TMPRSS2: variants seen among roughly 807,000 people sequenced by gnomAD.
TMPRSS2 encodes transmembrane protease serine 2.
Under a neutral mutation model 67.4 loss-of-function variants are expected in TMPRSS2, and 59 were observed. The ratio of observed to expected loss-of-function variants is 0.88; its 90% CI spans 0.71 to 1.09. TMPRSS2 has a LOEUF of 1.09. TMPRSS2 is among the 50% of genes least tolerant of loss of function. The pLI, the probability that TMPRSS2 is intolerant of heterozygous loss-of-function variation, is 0.00. For missense variants in TMPRSS2, 668 were observed against 642.7 expected (o/e 1.04, Z -0.43); for synonymous variants, 257 against 257.0 (o/e 1.00, Z 0.00).
At chr21:41,481,466 A>G (rs1032839483) in intron 5 of TMPRSS2, among the ~76,000 whole-genome samples, 1 of 152,146 alleles carries the variant, frequency 6.6e-6, no homozygotes, top group African/African-American at 2.4e-5. Context: ...TATGAGTAGG[A>G]GGGACGGGCT....
intron 3 of TMPRSS2, among the ~76,000 whole-genome samples, chr21:41,491,735 T>C (rs2091338108): frequency 6.6e-6 from 1 of 152,234 alleles, no homozygotes. Flanking sequence ...ACACTGAGCA[T>C]GTGCCAATCT....
chr21:41,473,552 AC>A lies in TMPRSS2; in HGVS notation c.728-57del, dbSNP rs879911137. ...TGAGACCAGCAGAAGCCGCCCAGCC[AC>A]CCAGCGCCCGCCCCTCCCAAGGGTC... On this transcript the variant is annotated intron_variant, in intron 8 of 13. Coordinates refer to ENST00000332149, the MANE Select transcript of TMPRSS2 (RefSeq NM_005656.4). 2.5e-4 allele frequency: 377 copies of A among 1,534,546 alleles called. 2 individuals carry two copies. The Admixed American group carries it at 7.1e-3, about 29-fold the overall frequency.
At chr21:41,483,645 G>A (rs1006438329) in intron 5 of TMPRSS2, among the ~76,000 whole-genome samples, 1 of 151,932 alleles carries the variant, frequency 6.6e-6, no homozygotes, top group African/African-American at 2.4e-5. Context: ...TGGCTCAAAG[G>A]GAGACACTTC....
chr21:41,494,401 C>T lies in TMPRSS2; in HGVS notation c.193G>A (p.Val65Ile), dbSNP rs150389990. Reference sequence around the variant, plus strand: ...GATGGGGATTTGGGCTGCGTGCAGACGACGGGGTTGGAAGCCTGCGTCAGG... The same window carrying T: ...GATGGGGATTTGGGCTGCGTGCAGATGACGGGGTTGGAAGCCTGCGTCAGG... ...RVLTQASNPVVCTQPKSPSGT... is the reference protein window; with the variant it reads ...RVLTQASNPVICTQPKSPSGT... The change falls in exon 3 of 14, where the codon GTC becomes ATC. Residue 65 changes from valine (V) to isoleucine (I), a missense_variant. Coordinates refer to ENST00000332149, the MANE Select transcript of TMPRSS2 (RefSeq NM_005656.4). 1.3e-4 allele frequency: 214 copies of T among 1,610,830 alleles called. No homozygotes were observed. The highest frequency in any genetic ancestry group is 1.6e-4 in the Non-Finnish European group (191 of 1,179,202).
chr21:41,505,045 C>G (rs1488632087), intron 1 of TMPRSS2, among the ~76,000 whole-genome samples: 4 of 152,018 alleles, frequency 2.6e-5, no homozygotes, highest in African/African-American at 9.7e-5. Flanking sequence ...TGCTCCTGGG[C>G]TCTCTGGTTC....
At chr21:41,491,881 T>C (rs899104298) in intron 3 of TMPRSS2, among the ~76,000 whole-genome samples, 11 of 152,312 alleles carry the variant, frequency 7.2e-5, no homozygotes, top group Admixed American at 6.5e-4. Flanking sequence ...TTGCACAGTT[T>C]AATTACAACT....
intron 2 of TMPRSS2, among the ~76,000 whole-genome samples, chr21:41,495,540 G>A (rs1370395028): frequency 6.6e-6 from 1 of 150,480 alleles, no homozygotes. Flanking sequence ...CGGGAGAATT[G>A]CTTGAACCCG....
At chr21:41,494,297 G>A (rs1209840044) in intron 3 of TMPRSS2, 59 bp downstream of exon 3, 6 of 1,569,536 alleles carry the variant, frequency 3.8e-6, no homozygotes, top group Non-Finnish European at 5.2e-6. Context: ...GAGCCCACTG[G>A]GGAGGTAGAC....
intron 11 of TMPRSS2, chr21:41,468,886 C>G (rs1443771075): frequency 2.8e-5 from 7 of 246,696 alleles, no homozygotes; most frequent in Non-Finnish European, 4.8e-5. Context: ...TGAACCCCAC[C>G]CAGGACACAC....
chr21:41,478,838 C>T lies in TMPRSS2; in HGVS notation c.683+334G>A, dbSNP rs559698510. Among the ~76,000 whole-genome samples, 11 of 152,310 alleles carry T rather than the reference C, an allele frequency of 7.2e-5. No individual in the cohort carries two copies. The highest frequency in any genetic ancestry group is 2.6e-4 in the Admixed American group (4 of 15,306). On this transcript the variant is annotated intron_variant, in intron 7 of 13. Coordinates refer to ENST00000332149, the MANE Select transcript of TMPRSS2 (RefSeq NM_005656.4). This position sits in a 1 kb window ranked among gnomAD's most constrained non-coding sequence, Gnocchi z 4.0. ...ACATTATCTTGGATTCCTAGAACCA[C>T]GCCCTGACAAAATAGGTACACCTCT...
In TMPRSS2 at chr21:41,488,510, C is replaced by T. The variant is rs771653895; in HGVS notation, c.329G>A (p.Gly110Asp). The change falls in exon 5 of 14, where the codon GGC (glycine) becomes GAC (aspartate). Residue 110 changes from glycine to aspartate, a missense_variant. Transcript: ENST00000332149. Reference protein sequence around the residue: ...LAAGLLWKFMGSKCSNSGIEC... With the variant: ...LAAGLLWKFMDSKCSNSGIEC... ...TATCCCAGAGTTGGAGCACTTGCTGCCCACTTGCAGAGAAAACAGAAGAGA... is the reference window on the plus strand; with the variant it reads ...TATCCCAGAGTTGGAGCACTTGCTGTCCACTTGCAGAGAAAACAGAAGAGA... The T allele has an allele frequency of 3.7e-6, 6 of 1,611,898 alleles. No homozygotes were observed. Among genetic ancestry groups the T allele is most frequent in the Admixed American group, 3.3e-5 (2 of 59,822 alleles).
Position 41,468,183 on chromosome 21 carries a change from C to T in TMPRSS2, c.1314+213G>A, listed in dbSNP as rs148561341. 226 of 639,652 alleles carry T rather than the reference C, an allele frequency of 3.5e-4. 2 individuals carry two copies. Among genetic ancestry groups the T allele is most frequent in the African/African-American group, 3.2e-3 (174 of 54,722 alleles). The allele number at this position is 639,652 out of a possible 1,614,324, so 39.6% of individuals were successfully genotyped here. On this transcript the variant is annotated intron_variant, in intron 12 of 13. Coordinates refer to ENST00000332149, the MANE Select transcript of TMPRSS2 (RefSeq NM_005656.4). Reference sequence around the variant, plus strand: ...TTCCACTGGCACTTTTACCAAATACCGGTTTTTCAGAGGGTGTGTGTGATT... The same window carrying T: ...TTCCACTGGCACTTTTACCAAATACTGGTTTTTCAGAGGGTGTGTGTGATT...
Position 41,508,083 on chromosome 21 carries a change from G to A in TMPRSS2, c.-59C>T, listed in dbSNP as rs1203470826. 9 of 1,266,536 alleles carry A rather than the reference G, an allele frequency of 7.1e-6. No individual in the cohort carries two copies. Among genetic ancestry groups the A allele is most frequent in the Non-Finnish European group, 9.0e-6 (9 of 997,206 alleles). 78.5% of individuals were successfully genotyped at this position (1,266,536 alleles called of 1,614,324 possible). A position where few individuals can be genotyped will look rare whatever the true frequency, so the allele number is the denominator to read the frequency against. On this transcript the variant is annotated splice_region_variant and 5_prime_UTR_variant, in exon 1 of 14. Coordinates refer to ENST00000332149, the MANE Select transcript of TMPRSS2 (RefSeq NM_005656.4). ...ACCCTGGTACCGGCGCCGCTCACCTGCCGCGCTCCAGGCGGCGCTCCCCGC... is the reference window on the plus strand; with the variant it reads ...ACCCTGGTACCGGCGCCGCTCACCTACCGCGCTCCAGGCGGCGCTCCCCGC...
chr21:41,481,472 G>A (rs368635430), intron 5 of TMPRSS2, among the ~76,000 whole-genome samples: 3 of 152,164 alleles, frequency 2.0e-5, no homozygotes, highest in African/African-American at 4.8e-5. Flanking sequence ...TAGGAGGGAC[G>A]GGCTGGGAGG....
chr21:41,502,587 C>A (rs905455906), intron 1 of TMPRSS2: 7 of 985,232 alleles, frequency 7.1e-6, no homozygotes, highest in Non-Finnish European at 8.4e-6. Flanking sequence ...AAAATAACCG[C>A]ACTAATATCA....
At chr21:41,507,218 C>A (rs1440792211) in intron 1 of TMPRSS2, among the ~76,000 whole-genome samples, 1 of 152,220 alleles carries the variant, frequency 6.6e-6, no homozygotes, top group Non-Finnish European at 1.5e-5. Flanking sequence ...CACTGCCAGA[C>A]TGGAGCACTT....
chr21:41,488,582 A>G, intron 4 of TMPRSS2, 69 bp from the exon 5 acceptor site: 2 of 1,512,720 alleles, frequency 1.3e-6, no homozygotes, highest in Non-Finnish European at 1.8e-6. Context: ...GGAGTGAGGA[A>G]CACCGTGGCA....
Position 41,467,874 on chromosome 21 carries a change from C to T in TMPRSS2, c.1327G>A (p.Gly443Arg). ...TTGTTCTTCGAAGTGACCAGAGGCC[C>T]TCCACTGTCACCCTGTGGGACACAG... ...NVDSCQGDSG[G>R]PLVTSKNNIW... The change falls in exon 13 of 14, where the codon GGG becomes AGG. Residue 443 changes from glycine to arginine, a missense_variant. Coordinates refer to ENST00000332149, the MANE Select transcript of TMPRSS2 (RefSeq NM_005656.4). 1.9e-6 allele frequency: 3 copies of T among 1,614,216 alleles called. No homozygotes were observed. The highest frequency in any genetic ancestry group is 2.5e-6 in the Non-Finnish European group (3 of 1,180,034).
chr21:41,472,294 C>T (rs1480520699), intron 9 of TMPRSS2, among the ~76,000 whole-genome samples: 2 of 152,204 alleles, frequency 1.3e-5, no homozygotes, highest in African/African-American at 4.8e-5. Flanking sequence ...AGGACTGGCC[C>T]TTATTTTCCT....
Sources: gnomAD v4.1 joint callset for allele counts (sites outside exome capture counted in the v4.1 genomes callset) on GRCh38, gnomAD v4.1.1 for gene constraint, Gnocchi (gnomAD v3.1) non-coding constraint, MANE v1.5 for transcripts, NCBI Gene and HGNC (gene_info 2026-07-23, HGNC 2026-07-21) for gene names.